ZNF701: variants seen among roughly 807,000 people sequenced by gnomAD.
ZNF701 encodes zinc finger protein 701.
ZNF701 carries 6 observed loss-of-function variants against 7.1 expected under a neutral mutation model. The observed-to-expected ratio is 0.84, with a 90% CI of 0.46 to 1.66. The LOEUF is 1.66. ZNF701 is among the 40% of genes most tolerant of loss of function. ZNF701 has a pLI of 0.01. For synonymous variants in ZNF701, 166 were observed against 188.2 expected (o/e 0.88, Z 0.97); for missense variants, 541 against 559.2 (o/e 0.97, Z 0.33).
chr19:52,593,249 C>T, the ZNF701 span, among the ~76,000 whole-genome samples: 1 of 118,644 alleles, frequency 8.4e-6, no homozygotes, highest in South Asian at 2.8e-4. Flanking sequence ...TTCTATTCTA[C>T]AAAACCGCCA....
chr19:52,588,040 A>C (rs1405757111), downstream of ZNF701, among the ~76,000 whole-genome samples: 1 of 152,176 alleles, frequency 6.6e-6, no homozygotes, highest in Non-Finnish European at 1.5e-5. Context: ...AAAATCCAAA[A>C]ACAAGTCAAA....
chr19:52,572,425 G>A, intron 1 of ZNF701: 1 of 1,276,506 alleles, frequency 7.8e-7, no homozygotes, highest in Non-Finnish European at 1.0e-6. Context: ...TAATTTTCTT[G>A]TGAGGAAGAA....
chr19:52,588,711 C>G (rs983603183), downstream of ZNF701: 1 of 234,332 alleles, frequency 4.3e-6, no homozygotes, highest in African/African-American at 2.3e-5. Flanking sequence ...AGCGTCCTAA[C>G]TCACAAGTTT....
In ZNF701 at chr19:52,584,179, CAT is replaced by C; in HGVS notation, c.*724_*725del. 1 of 265,662 alleles carries C rather than the reference CAT, an allele frequency of 3.8e-6. No individual in the cohort carries two copies. The highest frequency in any genetic ancestry group is 7.6e-6 in the Non-Finnish European group (1 of 130,914). 16.5% of individuals were successfully genotyped at this position (265,662 alleles called of 1,614,324 possible). A position where few individuals can be genotyped will look rare whatever the true frequency, so the allele number is the denominator to read the frequency against. ...TCCGAGGTTACTCCTTGCAGAATAT[CAT>C]AACGTTCATTTTTGAGGTAATAGTT... On this transcript the variant is annotated 3_prime_UTR_variant, in exon 4 of 4. Transcript: ENST00000391785.
chr19:52,572,610 C>T (rs1470880192), intron 1 of ZNF701: 3 of 352,598 alleles, frequency 8.5e-6, no homozygotes, highest in South Asian at 4.3e-5. Context: ...CATCTCAGAC[C>T]TTCTCAGCGT....
chr19:52,592,364 C>A, the ZNF701 span: 1 of 984,502 alleles, frequency 1.0e-6, no homozygotes, highest in South Asian at 1.6e-5. Context: ...CAGTGATGAC[C>A]CTCATATTTG....
rs550811126 is a variant in ZNF701, at chr19:52,585,048, C to G, written c.*1591C>G. On this transcript the variant is annotated 3_prime_UTR_variant, in exon 4 of 4. Coordinates refer to ENST00000391785, the MANE Select transcript of ZNF701 (RefSeq NM_018260.3). ...CACAGACCTGGAAATTCCGGCCCCT[C>G]TTTCTCAACTCAGAGCAAATTGAGA... 1 of 152,226 alleles carries G rather than the reference C, an allele frequency of 6.6e-6. No individual in the cohort carries two copies. Among genetic ancestry groups the G allele is most frequent in the African/African-American group, 2.4e-5 (1 of 41,430 alleles). 9.4% of individuals were successfully genotyped at this position (152,226 alleles called of 1,614,324 possible).
chr19:52,588,805 G>A (rs955961926), downstream of ZNF701, among the ~76,000 whole-genome samples: 1 of 152,136 alleles, frequency 6.6e-6, no homozygotes. Context: ...GTTCACTGGA[G>A]CAATCTGGGC....
At chr19:52,593,977 T>G in the ZNF701 span, 1 of 124,402 alleles carries the variant, frequency 8.0e-6, no homozygotes. Flanking sequence ...GGCTGGGAGG[T>G]GGAGGTTGTA....
the ZNF701 span, among the ~76,000 whole-genome samples, chr19:52,595,260 ATTAT>A: frequency 0.22 from 32,614 of 148,788 alleles, 3,592 homozygotes; most frequent in South Asian, 0.3. Context: ...AATATTAACT[ATTAT>A]TTACCATCTG....
chr19:52,578,421 C>T (rs1294885157), intron 3 of ZNF701, among the ~76,000 whole-genome samples: 1 of 152,134 alleles, frequency 6.6e-6, no homozygotes, highest in Admixed American at 6.6e-5. Context: ...CTTACCCTGC[C>T]CCCTTGTCTT....
chr19:52,583,068 C>T lies in ZNF701; in HGVS notation c.1009C>T (p.Arg337Cys), dbSNP rs150530453. The T allele has an allele frequency of 1.9e-5, 31 of 1,613,370 alleles. No homozygotes were observed. The highest frequency in any genetic ancestry group is 1.6e-4 in the African/African-American group (12 of 74,828). The change falls in exon 4 of 4, where the codon CGC becomes TGC. Residue 337 changes from arginine (R) to cysteine (C), a missense_variant. By Grantham distance (180) the Arg-to-Cys change is radical (BLOSUM62 -3). Coordinates refer to ENST00000391785, the MANE Select transcript of ZNF701 (RefSeq NM_018260.3). ...TGAAGAATGTGACAAAGTTTTCAGT[C>T]GCAAATCACACCTTGAAAGACATAG... is the stretch of plus-strand genomic sequence containing the variant. ...KCEECDKVFSRKSHLERHRRI... is the reference protein window; with the variant it reads ...KCEECDKVFSCKSHLERHRRI...
downstream of ZNF701, among the ~76,000 whole-genome samples, chr19:52,589,381 C>G (rs1398116293): frequency 6.6e-6 from 1 of 151,746 alleles, no homozygotes; most frequent in Admixed American, 6.6e-5. Context: ...GTTTTGAGAG[C>G]TATTTTGTAT....
At position 52,578,979 on chromosome 19, in the gene ZNF701, C is replaced by T. The variant is rs1341464855; in HGVS notation, c.142+2958C>T. On this transcript the variant is annotated intron_variant, in intron 3 of 3. Coordinates refer to ENST00000391785, the MANE Select transcript of ZNF701 (RefSeq NM_018260.3). Reference sequence around the variant, plus strand: ...TTCACCGTGGTCTCAATCTCCTGACCTCGTGATCCACCCGCCTTAGCCTCC... The same window carrying T: ...TTCACCGTGGTCTCAATCTCCTGACTTCGTGATCCACCCGCCTTAGCCTCC... 3.4e-5 allele frequency among the ~76,000 whole-genome samples: 5 copies of T among 149,160 alleles called. 1 individual carries two copies. Among genetic ancestry groups the T allele is most frequent in the Admixed American group, 6.6e-5 (1 of 15,130 alleles).
Position 52,584,359 on chromosome 19 carries a change from C to T in ZNF701, c.*902C>T, listed in dbSNP as rs1191518082. On this transcript the variant is annotated 3_prime_UTR_variant, in exon 4 of 4. Transcript: ENST00000391785. The stretch of plus-strand genomic sequence containing the variant: ...AGGATTGGGCCAGGCGTGTGGCTCA[C>T]GCCTGTAAATCCAGCACTTTAGGAG... 2 of 164,758 alleles carry T rather than the reference C, an allele frequency of 1.2e-5. No homozygotes were observed. The highest frequency in any genetic ancestry group is 1.3e-5 in the Non-Finnish European group (1 of 75,450). 10.2% of individuals were successfully genotyped at this position (164,758 alleles called of 1,614,324 possible).
chr19:52,579,060 C>A (rs1190853596), intron 3 of ZNF701, among the ~76,000 whole-genome samples: 1 of 127,196 alleles, frequency 7.9e-6, no homozygotes, highest in African/African-American at 4.4e-5. Flanking sequence ...CCATTTCTTT[C>A]AGTAAACAGA....
intron 3 of ZNF701, among the ~76,000 whole-genome samples, chr19:52,581,267 T>TG (rs2059973702): frequency 6.6e-6 from 1 of 152,198 alleles, no homozygotes; most frequent in Non-Finnish European, 1.5e-5. Context: ...CCACTCAGGG[T>TG]GGAGTGCAGT....
chr19:52,597,057 C>A, the ZNF701 span: 2 of 1,268,686 alleles, frequency 1.6e-6, no homozygotes, highest in South Asian at 1.2e-5. Context: ...CATTGCAAAT[C>A]ACTGGAGAAT....
At position 52,586,959 on chromosome 19, in the gene ZNF701, C is replaced by T. The variant is rs2147001963; in HGVS notation, c.*3502C>T. On this transcript the variant is annotated 3_prime_UTR_variant, in exon 4 of 4. Transcript: ENST00000391785. ...CCCCTGCAGGCCTCGCCCCGGAGCT[C>T]TACAATCCTGTGTGCAGTTGTCTCC... 6.6e-6 allele frequency: 1 copy of T among 152,306 alleles called. No homozygotes were observed. Among genetic ancestry groups the T allele is most frequent in the Non-Finnish European group, 1.5e-5 (1 of 68,048 alleles). 9.4% of individuals were successfully genotyped at this position (152,306 alleles called of 1,614,324 possible).
Sources: allele counts gnomAD v4.1 joint callset (sites outside exome capture counted in the v4.1 genomes callset), GRCh38; gene constraint gnomAD v4.1.1; transcripts MANE v1.5; gene names NCBI Gene and HGNC (gene_info 2026-07-23, HGNC 2026-07-21).